The following CACNA1I variants were observed in gnomAD, a reference collection of about 807,000 sequenced individuals.
CACNA1I encodes voltage-dependent T-type calcium channel subunit alpha-1I.
CACNA1I carries 74 observed loss-of-function variants against 201.6 expected under a neutral mutation model. The ratio of observed to expected loss-of-function variants is 0.37; its 90% CI spans 0.30 to 0.45. The LOEUF (loss-of-function observed/expected upper bound fraction) is 0.45. CACNA1I is among the 20% of genes least tolerant of loss of function. CACNA1I has a pLI of 1.00. For synonymous variants in CACNA1I, 1,431 were observed against 1,345.2 expected (o/e 1.06, Z -1.40); for missense variants, 2,346 against 3,138.1 (o/e 0.75, Z 6.03).
At chr22:39,599,812 C>A (rs1473748727) in intron 2 of CACNA1I, among the ~76,000 whole-genome samples, 1 of 152,108 alleles carries the variant, frequency 6.6e-6, no homozygotes, top group Admixed American at 6.6e-5. Context: ...ACTGGCCTAG[C>A]CCTGGCACAC....
At chr22:39,606,087 C>G (rs927011488) in intron 3 of CACNA1I, among the ~76,000 whole-genome samples, 4 of 152,162 alleles carry the variant, frequency 2.6e-5, no homozygotes, top group African/African-American at 4.8e-5. Flanking sequence ...TGTCAAAGGA[C>G]AGCGTTCATC....
intron 1 of CACNA1I, among the ~76,000 whole-genome samples, chr22:39,588,497 TGCCTCA>T (rs1251854774): frequency 1.3e-5 from 2 of 151,478 alleles, no homozygotes; most frequent in Non-Finnish European, 2.9e-5. Context: ...GCCATTCTCC[TGCCTCA>T]GCCTCCCGAG....
chr22:39,583,197 A>AATCC (rs142463491), intron 1 of CACNA1I, among the ~76,000 whole-genome samples: 51,118 of 119,394 alleles, frequency 0.43, 10,321 homozygotes, highest in East Asian at 0.82. Flanking sequence ...TCTATCCAAC[A>AATCC]ATCCATCCAT....
intron 1 of CACNA1I, among the ~76,000 whole-genome samples, chr22:39,577,561 C>T (rs1457223217): frequency 6.6e-6 from 1 of 152,264 alleles, no homozygotes; most frequent in Non-Finnish European, 1.5e-5. Flanking sequence ...GTCATTAGTA[C>T]ATCCACCGAG....
At chr22:39,610,661 A>G (rs1912054326) in intron 3 of CACNA1I, among the ~76,000 whole-genome samples, 2 of 152,118 alleles carry the variant, frequency 1.3e-5, no homozygotes, top group Admixed American at 1.3e-4. Flanking sequence ...CTCTACTGAA[A>G]AGCCAAGAGG....
At chr22:39,657,559 C>G (rs950368670) in intron 10 of CACNA1I, among the ~76,000 whole-genome samples, 4 of 152,206 alleles carry the variant, frequency 2.6e-5, no homozygotes, top group South Asian at 2.1e-4. Context: ...GGGCAGGAGT[C>G]TTGGAGCCAG....
In CACNA1I at chr22:39,661,977, A is replaced by G. The variant is rs1297978636; in HGVS notation, c.2914A>G (p.Ser972Gly). 1.9e-6 allele frequency: 3 copies of G among 1,541,292 alleles called. No individual in the cohort carries two copies. Among genetic ancestry groups the G allele is most frequent in the Non-Finnish European group, 2.6e-6 (3 of 1,149,108 alleles). ...GAACTCCTTCCAGTCCAGCTCCCGGAGCTCCTACTACGGGCCATGGGGCCG... is the reference window on the plus strand; with the variant it reads ...GAACTCCTTCCAGTCCAGCTCCCGGGGCTCCTACTACGGGCCATGGGGCCG... The part of the protein sequence containing the change: ...YDQRSLSSSR[S>G]SYYGPWGRSA... The change falls in exon 17 of 37, where the codon AGC becomes GGC. Residue 972 changes from serine (S) to glycine (G), a missense_variant. Ser to Gly is a moderately conservative substitution (Grantham distance 56). Around this residue, in one of 13 missense-constraint regions of CACNA1I, gnomAD observed 288 missense variants for 255.2 expected, o/e 1.13. Transcript: ENST00000402142.
At chr22:39,626,392 C>G (rs1163495964) in intron 4 of CACNA1I, among the ~76,000 whole-genome samples, 1 of 152,236 alleles carries the variant, frequency 6.6e-6, no homozygotes, top group East Asian at 1.9e-4. Context: ...GTGTCAGGGA[C>G]GTCTTCTCAG....
chr22:39,658,104 GC>G (rs1361632851), intron 10 of CACNA1I, 47 bp from the exon 11 acceptor site: 11 of 1,596,096 alleles, frequency 6.9e-6, no homozygotes, highest in Non-Finnish European at 9.4e-6. Flanking sequence ...ATCCACAGCT[GC>G]CCTCTGGCCT....
chr22:39,637,680 A>G (rs1006180393), intron 5 of CACNA1I, among the ~76,000 whole-genome samples: 1 of 152,252 alleles, frequency 6.6e-6, no homozygotes, highest in Non-Finnish European at 1.5e-5. Flanking sequence ...ACTCACAGAC[A>G]TGAAAAAGAA....
rs558900271 is a variant in CACNA1I at position 39,649,948 on chromosome 22, G to A, written c.1992+23G>A. The A allele has an allele frequency of 2.9e-5, 46 of 1,612,352 alleles. No individual in the cohort carries two copies. Among genetic ancestry groups the A allele is most frequent in the South Asian group, 3.3e-5 (3 of 91,034 alleles). On this transcript the variant is annotated intron_variant, in intron 10 of 36. Transcript: ENST00000402142. The surrounding 1 kb of genome is among the most constrained non-coding windows in gnomAD (Gnocchi z 7.3). ...CAGGCCAGTGCAGCGCAGCCGGGCC[G>A]GGCCTGCGGGAGAGGTGTGAGGGCC...
In CACNA1I at chr22:39,648,701, A is replaced by G. The variant is rs1468018962; in HGVS notation, c.1567+775A>G. Among the ~76,000 whole-genome samples the G allele has an allele frequency of 2.0e-5, 3 of 152,056 alleles. No individual in the cohort carries two copies. The highest frequency in any genetic ancestry group is 4.4e-5 in the Non-Finnish European group (3 of 68,010). On this transcript the variant is annotated intron_variant, in intron 9 of 36. Transcript: ENST00000402142. The surrounding 1 kb of genome is among the most constrained non-coding windows in gnomAD (Gnocchi z 5.4). ...TTCATGTTACTTTTTTGGCTTACAC[A>G]AGCAAAATGTGTTTATTCTAGGAAT...
At chr22:39,584,429 C>A (rs538093567) in intron 1 of CACNA1I, among the ~76,000 whole-genome samples, 1 of 152,256 alleles carries the variant, frequency 6.6e-6, no homozygotes, top group Non-Finnish European at 1.5e-5. Context: ...GACTTCCCAG[C>A]ACTATATCTG....
intron 3 of CACNA1I, among the ~76,000 whole-genome samples, chr22:39,603,952 C>A (rs1419677344): frequency 2.0e-5 from 3 of 152,204 alleles, no homozygotes; most frequent in Admixed American, 2.0e-4. Context: ...AATTTCATAG[C>A]ATCCAGACCT....
At chr22:39,604,663 G>T (rs904266833) in intron 3 of CACNA1I, among the ~76,000 whole-genome samples, 2 of 151,864 alleles carry the variant, frequency 1.3e-5, no homozygotes, top group Non-Finnish European at 2.9e-5. Flanking sequence ...CTGCAGCCTC[G>T]CCCTCCCTGG....
At chr22:39,619,563 C>A (rs1217914807) in intron 4 of CACNA1I, among the ~76,000 whole-genome samples, 156 bp downstream of exon 4, 1 of 146,180 alleles carries the variant, frequency 6.8e-6, no homozygotes, top group East Asian at 2.0e-4. Context: ...CCTGCGGTGT[C>A]TATCTAGACA....
In CACNA1I at chr22:39,665,030, C is replaced by T. The variant is rs959369070; in HGVS notation, c.3851+107C>T. On this transcript the variant is annotated intron_variant, in intron 21 of 36. Coordinates refer to ENST00000402142, the MANE Select transcript of CACNA1I (RefSeq NM_021096.4). This position sits in a 1 kb window ranked among gnomAD's most constrained non-coding sequence, Gnocchi z 5.5. ...GCCCTCCCCGCCCGCCCACTCGGTC[C>T]TCCAATAGTGAGTGCCAAACACCCT... is the stretch of plus-strand genomic sequence containing the variant. 9.6e-7 allele frequency: 1 copy of T among 1,043,528 alleles called. No individual in the cohort carries two copies. Among genetic ancestry groups the T allele is most frequent in the Non-Finnish European group, 1.4e-6 (1 of 713,602 alleles). The allele number at this position is 1,043,528 out of a possible 1,614,324, so 64.6% of individuals were successfully genotyped here.
intron 1 of CACNA1I, among the ~76,000 whole-genome samples, chr22:39,597,775 G>C (rs1293219833): frequency 1.3e-5 from 2 of 152,230 alleles, no homozygotes; most frequent in African/African-American, 4.8e-5. Flanking sequence ...AAGGTGGTCA[G>C]AGAAGGGAGG....
At position 39,649,360 on chromosome 22, in the gene CACNA1I, C is replaced by A; in HGVS notation, c.1568-141C>A. ...AGCTGCAGCCGCTTCCCCAGGCACC[C>A]CTGACCGCCTTTCCAGGCTGGGTCG... On this transcript the variant is annotated intron_variant, in intron 9 of 36. Coordinates refer to ENST00000402142, the MANE Select transcript of CACNA1I (RefSeq NM_021096.4). The surrounding 1 kb of genome is among the most constrained non-coding windows in gnomAD (Gnocchi z 7.3). 1.2e-6 allele frequency: 1 copy of A among 843,430 alleles called. No homozygotes were observed. The highest frequency in any genetic ancestry group is 2.9e-5 in the East Asian group (1 of 34,286). The allele number at this position is 843,430 out of a possible 1,614,324, so 52.2% of individuals were successfully genotyped here. A position where few individuals can be genotyped will look rare whatever the true frequency, so the allele number is the denominator to read the frequency against.
Sources: allele counts gnomAD v4.1 joint callset (sites outside exome capture counted in the v4.1 genomes callset), GRCh38; gene constraint gnomAD v4.1.1; regional missense constraint gnomAD v4.1.1; non-coding constraint Gnocchi (gnomAD v3.1); transcripts MANE v1.5; gene names NCBI Gene and HGNC (gene_info 2026-07-23, HGNC 2026-07-21).